Variants in BMPER observed in about 807,000 individuals in gnomAD.
The protein encoded by BMPER is BMP binding endothelial regulator, also known as BMP-binding endothelial regulator protein.
A neutral mutation model predicts 87.3 loss-of-function variants in BMPER; 45 were observed. That is an observed-to-expected ratio of 0.52 (90% confidence interval 0.41 to 0.66). The LOEUF (loss-of-function observed/expected upper bound fraction) is 0.66. BMPER is among the 30% of genes least tolerant of loss of function. BMPER has a pLI of 0.00. For synonymous variants in BMPER, 326 were observed against 316.2 expected, an observed-to-expected ratio of 1.03 and a Z score of -0.33; for missense variants, 784 against 867.5, an observed-to-expected ratio of 0.90 and a Z score of 1.21.
At chr7:34,003,024 A>G (rs1786626349) in intron 6 of BMPER, among the ~76,000 whole-genome samples, 2 of 151,496 alleles carry the variant, frequency 1.3e-5, no homozygotes, top group Non-Finnish European at 3.0e-5. Flanking sequence ...GTAATTTTTG[A>G]TAAGATAGGA....
At chr7:34,020,859 AACACAC>A (rs61345180) in intron 6 of BMPER, among the ~76,000 whole-genome samples, 1,873 of 146,826 alleles carry the variant, frequency 0.013, 38 homozygotes, top group African/African-American at 0.04. Context: ...TGAATTTCTT[AACACAC>A]ACACACACAC....
chr7:33,960,387 C>A (rs925104593), intron 3 of BMPER, among the ~76,000 whole-genome samples: 12 of 152,098 alleles, frequency 7.9e-5, no homozygotes, highest in Non-Finnish European at 1.5e-4. Flanking sequence ...AGAACAGTGT[C>A]TGAAAAGTGG....
At chr7:34,106,503 C>T (rs1339695673) in intron 13 of BMPER, among the ~76,000 whole-genome samples, 1 of 152,162 alleles carries the variant, frequency 6.6e-6, no homozygotes, top group Non-Finnish European at 1.5e-5. Flanking sequence ...GCATTGCTCT[C>T]CTTCTCTCCT....
intron 11 of BMPER, among the ~76,000 whole-genome samples, chr7:34,072,434 C>T (rs186115691): frequency 2.4e-4 from 35 of 142,924 alleles, no homozygotes; most frequent in Admixed American, 9.0e-4. Context: ...GGAAGAGAAT[C>T]GATTTTTTTT....
chr7:34,126,017 G>A lies in BMPER; in HGVS notation c.1746-17213G>A, dbSNP rs563945359. ...AATTAAACAAACACAGTCCTTCATG[G>A]CAGCACTTACATTCTATTTGGGGAG... On this transcript the variant is annotated intron_variant, in intron 13 of 14. Transcript: ENST00000649409. Among the ~76,000 whole-genome samples, 7 of 152,278 alleles carry A rather than the reference G, an allele frequency of 4.6e-5. No individual in the cohort carries two copies. In the South Asian group the frequency reaches 1.0e-3, roughly 23 times the overall value.
intron 2 of BMPER, among the ~76,000 whole-genome samples, chr7:33,931,521 G>A (rs192732135): frequency 6.6e-6 from 1 of 152,284 alleles, no homozygotes; most frequent in East Asian, 1.9e-4. Flanking sequence ...TATGAGAAGT[G>A]GTATAATATT....
chr7:34,087,335 G>A (rs1346598830), intron 13 of BMPER, among the ~76,000 whole-genome samples: 1 of 152,158 alleles, frequency 6.6e-6, no homozygotes. Context: ...ACTTTGCAGT[G>A]AGTTAAACAG....
At chr7:33,937,866 C>T (rs1341304289) in intron 3 of BMPER, among the ~76,000 whole-genome samples, 2 of 152,168 alleles carry the variant, frequency 1.3e-5, no homozygotes, top group Non-Finnish European at 2.9e-5. Context: ...CTAAGTCCCT[C>T]CGCCTGTCTT....
intron 14 of BMPER, among the ~76,000 whole-genome samples, chr7:34,149,748 A>G (rs1033851102): frequency 6.6e-6 from 1 of 152,098 alleles, no homozygotes; most frequent in African/African-American, 2.4e-5. Flanking sequence ...TCTTGGGAAA[A>G]TGGGAGTTGG....
intron 3 of BMPER, among the ~76,000 whole-genome samples, chr7:33,950,532 A>G (rs918298354): frequency 3.3e-5 from 5 of 152,104 alleles, no homozygotes; most frequent in Admixed American, 6.5e-5. Context: ...GCCCTCTTCT[A>G]AGCTCACGTG....
intron 9 of BMPER, among the ~76,000 whole-genome samples, chr7:34,055,966 G>T (rs982441087): frequency 1.6e-4 from 25 of 152,298 alleles, no homozygotes; most frequent in Non-Finnish European, 5.9e-5. Context: ...CCCTAGGGGT[G>T]GAAGGAGTCA....
chr7:33,938,534 A>G (rs527893506), intron 3 of BMPER, among the ~76,000 whole-genome samples: 1 of 152,244 alleles, frequency 6.6e-6, no homozygotes, highest in East Asian at 1.9e-4. Flanking sequence ...GGATCTAGGA[A>G]AGGCAAGGGG....
chr7:34,084,584 A>C (rs79282536), intron 12 of BMPER, among the ~76,000 whole-genome samples: 1,525 of 152,346 alleles, frequency 0.01, 35 homozygotes, highest in African/African-American at 0.035. Context: ...AGACATAAAC[A>C]AAAACTCTGG....
intron 6 of BMPER, among the ~76,000 whole-genome samples, chr7:33,990,747 TG>T (rs895250490): frequency 7.8e-6 from 1 of 128,108 alleles, no homozygotes; most frequent in Non-Finnish European, 1.7e-5. Context: ...ATATTGGCTG[TG>T]GGTTTGTCAT....
intron 2 of BMPER, among the ~76,000 whole-genome samples, chr7:33,929,371 G>A (rs1727699372): frequency 6.6e-6 from 1 of 152,178 alleles, no homozygotes; most frequent in South Asian, 2.1e-4. Context: ...GCAGGTTCGG[G>A]TCCAGGTTTT....
chr7:34,093,506 A>C (rs1027126345), intron 13 of BMPER, among the ~76,000 whole-genome samples: 3 of 152,022 alleles, frequency 2.0e-5, no homozygotes, highest in Admixed American at 6.6e-5. Flanking sequence ...CAAAAAACAC[A>C]CTCCTGTCAG....
chr7:34,118,867 A>G (rs1790184166), intron 13 of BMPER, among the ~76,000 whole-genome samples: 1 of 152,146 alleles, frequency 6.6e-6, no homozygotes, highest in African/African-American at 2.4e-5. Flanking sequence ...GCAGATCACC[A>G]TCATGAAATG....
At chr7:33,992,480 C>T (rs1786253082) in intron 6 of BMPER, among the ~76,000 whole-genome samples, 1 of 146,760 alleles carries the variant, frequency 6.8e-6, no homozygotes, top group South Asian at 2.2e-4. Flanking sequence ...GTAGATCTTC[C>T]TCCATCCTTT....
chr7:34,114,754 C>T (rs571329957), intron 13 of BMPER, among the ~76,000 whole-genome samples: 24 of 152,256 alleles, frequency 1.6e-4, no homozygotes, highest in African/African-American at 4.3e-4. Flanking sequence ...GAAGAGTGGA[C>T]GCAAATCAGG....
Sources: gnomAD v4.1 joint callset for allele counts (sites outside exome capture counted in the v4.1 genomes callset) on GRCh38, gnomAD v4.1.1 for gene constraint, MANE v1.5 for transcripts, NCBI Gene and HGNC (gene_info 2026-07-23, HGNC 2026-07-21) for gene names.